The following AFF3 variants were observed in gnomAD, a reference collection of about 807,000 sequenced individuals.
AFF3 encodes the protein AF4/FMR2 family member 3.
AFF3 carries 32 observed loss-of-function variants against 129.7 expected under a neutral mutation model. The ratio of observed to expected loss-of-function variants is 0.25; its 90% CI spans 0.19 to 0.33. The LOEUF (loss-of-function observed/expected upper bound fraction) is 0.33. Among genes scored for constraint, AFF3 ranks in the 10% least tolerant of loss-of-function variants. AFF3 has a pLI of 1.00. For synonymous variants in AFF3, 644 were observed against 635.4 expected, an observed-to-expected ratio of 1.01 and a Z score of -0.20; for missense variants, 1,373 against 1,592.0, an observed-to-expected ratio of 0.86 and a Z score of 2.34.
chr2:99,996,460 A>C (rs1680835976), intron 7 of AFF3, among the ~76,000 whole-genome samples: 1 of 149,508 alleles, frequency 6.7e-6, no homozygotes, highest in Non-Finnish European at 1.5e-5. Flanking sequence ...CCCAGGCTGG[A>C]GTGCAGCGGC....
At chr2:99,947,424 C>T in intron 7 of AFF3, among the ~76,000 whole-genome samples, 1 of 150,992 alleles carries the variant, frequency 6.6e-6, no homozygotes, top group East Asian at 2.0e-4. Context: ...GCCTGGGAGA[C>T]AGAGTGAGAC....
chr2:99,738,932 A>G (rs1165703701), intron 10 of AFF3, among the ~76,000 whole-genome samples: 2 of 149,860 alleles, frequency 1.3e-5, no homozygotes, highest in African/African-American at 2.5e-5. Context: ...CATGTCATCT[A>G]TTTTTAAGGT....
intron 7 of AFF3, among the ~76,000 whole-genome samples, chr2:99,916,528 CAG>C (rs779420406): frequency 2.0e-5 from 3 of 152,090 alleles, no homozygotes; most frequent in Non-Finnish European, 2.9e-5. Flanking sequence ...GAGGCAGAGA[CAG>C]AGAAAGACTG....
intron 18 of AFF3, among the ~76,000 whole-genome samples, chr2:99,574,437 T>G (rs1676795223): frequency 6.6e-6 from 1 of 152,176 alleles, no homozygotes; most frequent in Non-Finnish European, 1.5e-5. Flanking sequence ...TACAGGCACA[T>G]GCTAACACGC....
chr2:100,131,356 G>A (rs1692423291), intron 1 of AFF3, among the ~76,000 whole-genome samples: 1 of 152,156 alleles, frequency 6.6e-6, no homozygotes, highest in African/African-American at 2.4e-5. Flanking sequence ...ATATATATGA[G>A]TCAAATGTTG....
intron 4 of AFF3, among the ~76,000 whole-genome samples, chr2:100,054,073 C>T (rs1686570541): frequency 6.6e-6 from 1 of 152,182 alleles, no homozygotes; most frequent in South Asian, 2.1e-4. Context: ...CTGGAGAGGG[C>T]CACAGAGGTC....
rs568661716 is a variant in AFF3 at position 99,837,253 on chromosome 2, A to G, written c.921+224T>C. Among the ~76,000 whole-genome samples, 5 of 152,278 alleles carry G rather than the reference A, an allele frequency of 3.3e-5. No individual in the cohort carries two copies. The East Asian group carries it at 9.6e-4, about 29-fold the overall frequency. ...CTGTTCTTCTGTCTTCCAGCTGATC[A>G]CTTTAATAGGGTGTCACCTCAGCCT... On this transcript the variant is annotated intron_variant, in intron 8 of 24. Transcript: ENST00000672756.
At chr2:99,576,960 TGAA>T (rs916639611) in intron 18 of AFF3, among the ~76,000 whole-genome samples, 41 of 152,094 alleles carry the variant, frequency 2.7e-4, no homozygotes, top group African/African-American at 9.7e-4. Flanking sequence ...GCAAAGGCGA[TGAA>T]GACAGTGAGA....
intron 7 of AFF3, among the ~76,000 whole-genome samples, chr2:99,911,781 T>G (rs1315054705): frequency 1.3e-5 from 2 of 152,168 alleles, no homozygotes; most frequent in African/African-American, 4.8e-5. Flanking sequence ...CAAAACCCAC[T>G]ACCTGTGCCA....
chr2:99,775,041 A>G (rs574568783), intron 8 of AFF3, among the ~76,000 whole-genome samples: 1 of 152,240 alleles, frequency 6.6e-6, no homozygotes, highest in Admixed American at 6.5e-5. Context: ...CCACAATGAG[A>G]TATCATCTCA....
chr2:99,694,681 A>C lies in AFF3; in HGVS notation c.1092-22092T>G, dbSNP rs916013635. The stretch of plus-strand genomic sequence containing the variant: ...ATGTTAAAAAAGCCAACAAAAACAA[A>C]AACAAAAACAAAAACCCAACGAATT... On this transcript the variant is annotated intron_variant, in intron 11 of 24. Coordinates refer to ENST00000672756, the MANE Select transcript of AFF3 (RefSeq NM_001386135.1). 3.9e-5 allele frequency among the ~76,000 whole-genome samples: 6 copies of C among 152,244 alleles called. No individual in the cohort carries two copies. In the Middle Eastern group the frequency reaches 0.01, roughly 259 times the overall value.
chr2:100,077,428 G>A lies in AFF3; in HGVS notation c.53+26974C>T, dbSNP rs559698515. Among the ~76,000 whole-genome samples, 3 of 152,178 alleles carry A rather than the reference G, an allele frequency of 2.0e-5. No homozygotes were observed. In the South Asian group the frequency reaches 6.2e-4, roughly 32 times the overall value. ...TGAGTCAGAATGTGGAGCTCCTCTAGAAGCTGGAAATAGCAAGGAAACAGA... is the reference window on the plus strand; with the variant it reads ...TGAGTCAGAATGTGGAGCTCCTCTAAAAGCTGGAAATAGCAAGGAAACAGA... On this transcript the variant is annotated intron_variant, in intron 4 of 24. Transcript: ENST00000672756.
chr2:99,636,850 T>C (rs1395504069), intron 13 of AFF3, among the ~76,000 whole-genome samples: 1 of 152,114 alleles, frequency 6.6e-6, no homozygotes, highest in Non-Finnish European at 1.5e-5. Context: ...GGCTCCAAAA[T>C]GCAGTCATCA....
intron 8 of AFF3, among the ~76,000 whole-genome samples, chr2:99,824,577 G>A (rs192955110): frequency 2.4e-4 from 37 of 152,276 alleles, no homozygotes; most frequent in South Asian, 8.3e-4. Flanking sequence ...AGGAATCCAG[G>A]GGAGAGAGAA....
intron 10 of AFF3, among the ~76,000 whole-genome samples, chr2:99,729,492 G>T (rs910147135): frequency 1.3e-5 from 2 of 152,014 alleles, no homozygotes; most frequent in Non-Finnish European, 2.9e-5. Flanking sequence ...TTGCCTTTCT[G>T]GGGGGAAAAG....
chr2:99,720,003 C>T (rs1398677917), intron 11 of AFF3, among the ~76,000 whole-genome samples: 1 of 152,188 alleles, frequency 6.6e-6, no homozygotes, highest in Non-Finnish European at 1.5e-5. Context: ...CGCCAATGCA[C>T]TCCAGCCTGG....
chr2:99,584,940 A>T (rs185221429), intron 16 of AFF3, among the ~76,000 whole-genome samples: 1 of 152,322 alleles, frequency 6.6e-6, no homozygotes, highest in Non-Finnish European at 1.5e-5. Context: ...AGAACAAATG[A>T]CAAAACCAAG....
intron 8 of AFF3, among the ~76,000 whole-genome samples, chr2:99,820,227 A>G (rs1019432800): frequency 4.6e-5 from 7 of 152,130 alleles, no homozygotes; most frequent in Admixed American, 3.3e-4. Flanking sequence ...CACCTAGCCT[A>G]TATGGTATGG....
intron 8 of AFF3, among the ~76,000 whole-genome samples, chr2:99,779,644 C>A (rs998805359): frequency 6.6e-6 from 1 of 152,122 alleles, no homozygotes; most frequent in Non-Finnish European, 1.5e-5. Flanking sequence ...AAACACTGTA[C>A]CCAGTAGATA....
Sources: gnomAD v4.1 joint callset for allele counts (sites outside exome capture counted in the v4.1 genomes callset) on GRCh38, gnomAD v4.1.1 for gene constraint, MANE v1.5 for transcripts, NCBI Gene and HGNC (gene_info 2026-07-23, HGNC 2026-07-21) for gene names.